CAMK1D: variants seen among roughly 807,000 people sequenced by gnomAD.
CAMK1D encodes the protein calcium/calmodulin dependent protein kinase ID.
CAMK1D carries 9 observed loss-of-function variants against 47.7 expected under a neutral mutation model. The observed-to-expected ratio is 0.19, with a 90% CI of 0.11 to 0.33. The LOEUF (loss-of-function observed/expected upper bound fraction) is 0.33. CAMK1D is among the 10% of genes least tolerant of loss of function. The pLI is 1.00. For missense variants in CAMK1D, 291 were observed against 488.7 expected (o/e 0.60, Z 3.81); for synonymous variants, 184 against 184.9 (o/e 0.99, Z 0.04).
At chr10:12,522,784 G>A (rs1443905676) in intron 1 of CAMK1D, among the ~76,000 whole-genome samples, 1 of 148,068 alleles carries the variant, frequency 6.8e-6, no homozygotes, top group African/African-American at 2.5e-5. Context: ...CCGGGCAGAG[G>A]CGCCCACCAC....
intron 1 of CAMK1D, among the ~76,000 whole-genome samples, chr10:12,547,146 T>C (rs184698363): frequency 3.2e-3 from 483 of 151,962 alleles, no homozygotes; most frequent in Non-Finnish European, 5.9e-3. Context: ...GGAGCGGAAA[T>C]GGACATAAAG....
intron 2 of CAMK1D, among the ~76,000 whole-genome samples, chr10:12,560,889 T>C (rs979488350): frequency 6.6e-6 from 1 of 151,892 alleles, no homozygotes; most frequent in Non-Finnish European, 1.5e-5. Context: ...GGAAACCATA[T>C]TGAAAGTTAC....
chr10:12,350,505 C>T (rs1008782138), intron 1 of CAMK1D, among the ~76,000 whole-genome samples: 31 of 152,328 alleles, frequency 2.0e-4, no homozygotes, highest in African/African-American at 7.5e-4. Flanking sequence ...TTCACGCGGG[C>T]TCGGCCGCAC....
chr10:12,546,908 T>C (rs1415696882), intron 1 of CAMK1D, among the ~76,000 whole-genome samples: 3 of 151,904 alleles, frequency 2.0e-5, no homozygotes, highest in Non-Finnish European at 4.4e-5. Flanking sequence ...TGTATAGATA[T>C]GTAACAAACC....
intron 1 of CAMK1D, among the ~76,000 whole-genome samples, chr10:12,480,558 G>C (rs1357942489): frequency 2.6e-5 from 4 of 152,154 alleles, no homozygotes; most frequent in African/African-American, 9.7e-5. Flanking sequence ...TGTCCGTTAG[G>C]GTCTAACCAC....
rs570452105 is a variant in CAMK1D at position 12,492,416 on chromosome 10, G to A, written c.93-60809G>A. Reference sequence around the variant, plus strand: ...ACCTGCCATCCACTCGCATGCTTTTGGGAAGCTGATGTGGGAGGATCGCTT... The same window carrying A: ...ACCTGCCATCCACTCGCATGCTTTTAGGAAGCTGATGTGGGAGGATCGCTT... On this transcript the variant is annotated intron_variant, in intron 1 of 10. Coordinates refer to ENST00000619168, the MANE Select transcript of CAMK1D (RefSeq NM_153498.4). Among the ~76,000 whole-genome samples the A allele has an allele frequency of 2.0e-5, 3 of 151,920 alleles. No homozygotes were observed. In the South Asian group the frequency reaches 6.2e-4, roughly 32 times the overall value.
At chr10:12,646,790 CTT>C (rs1422819688) in intron 2 of CAMK1D, among the ~76,000 whole-genome samples, 1 of 152,030 alleles carries the variant, frequency 6.6e-6, no homozygotes, top group Admixed American at 6.6e-5. Context: ...CCTAAAAACT[CTT>C]TATCGTTCAG....
chr10:12,764,910 A>G (rs778469471), intron 4 of CAMK1D, among the ~76,000 whole-genome samples: 2 of 152,222 alleles, frequency 1.3e-5, no homozygotes, highest in African/African-American at 2.4e-5. Context: ...AGCCTGGCGA[A>G]CATGATGAAG....
At chr10:12,413,108 C>T (rs1166156239) in intron 1 of CAMK1D, among the ~76,000 whole-genome samples, 1 of 152,142 alleles carries the variant, frequency 6.6e-6, no homozygotes, top group East Asian at 1.9e-4. Flanking sequence ...GCTTAATTGG[C>T]TCATGGTTCT....
chr10:12,577,553 A>G (rs1046066963), intron 2 of CAMK1D, among the ~76,000 whole-genome samples: 5 of 152,226 alleles, frequency 3.3e-5, no homozygotes, highest in Non-Finnish European at 7.3e-5. Context: ...TTACTATATC[A>G]TGGCTATTTC....
At chr10:12,719,095 A>G (rs779348790) in intron 3 of CAMK1D, among the ~76,000 whole-genome samples, 1 of 152,216 alleles carries the variant, frequency 6.6e-6, no homozygotes, top group South Asian at 2.1e-4. Flanking sequence ...GAAGGTTCTC[A>G]TGGGAAGTTC....
At chr10:12,562,247 C>T (rs192405632) in intron 2 of CAMK1D, among the ~76,000 whole-genome samples, 10 of 152,064 alleles carry the variant, frequency 6.6e-5, no homozygotes, top group Non-Finnish European at 1.3e-4. Flanking sequence ...GACCACCCCC[C>T]CTTAAAACAA....
chr10:12,399,323 G>A (rs772790724), intron 1 of CAMK1D, among the ~76,000 whole-genome samples: 8 of 152,166 alleles, frequency 5.3e-5, no homozygotes, highest in Non-Finnish European at 1.0e-4. Flanking sequence ...GGCCAACATG[G>A]TGAAACCCTG....
intron 1 of CAMK1D, among the ~76,000 whole-genome samples, chr10:12,517,750 A>T (rs1189678181): frequency 1.3e-5 from 2 of 151,628 alleles, no homozygotes; most frequent in Non-Finnish European, 2.9e-5. Flanking sequence ...TTTTTTTATT[A>T]TATATTGCTG....
chr10:12,551,660 C>G (rs1341708313), intron 1 of CAMK1D, among the ~76,000 whole-genome samples: 1 of 152,098 alleles, frequency 6.6e-6, no homozygotes, highest in Admixed American at 6.6e-5. Context: ...ATCGCTTGAA[C>G]CTGAGAGGCA....
chr10:12,759,116 A>G (rs928269247), intron 3 of CAMK1D, among the ~76,000 whole-genome samples: 1 of 152,186 alleles, frequency 6.6e-6, no homozygotes, highest in African/African-American at 2.4e-5. Context: ...TGGGAGGCTA[A>G]GGCGGGAGGA....
intron 2 of CAMK1D, among the ~76,000 whole-genome samples, chr10:12,594,693 G>A (rs965012013): frequency 2.6e-5 from 4 of 152,218 alleles, no homozygotes; most frequent in African/African-American, 9.7e-5. Context: ...TAGGTTACAG[G>A]CAGTTTGTCT....
intron 2 of CAMK1D, among the ~76,000 whole-genome samples, chr10:12,568,177 C>T (rs1837191217): frequency 9.2e-6 from 1 of 109,228 alleles, no homozygotes. Context: ...TCCCTCCCTC[C>T]CTCCCTCTCC....
chr10:12,781,257 C>T (rs1362432152), intron 5 of CAMK1D, among the ~76,000 whole-genome samples: 1 of 152,228 alleles, frequency 6.6e-6, no homozygotes, highest in Non-Finnish European at 1.5e-5. Context: ...TCAGATTTCA[C>T]AAGAAAGGCT....
Sources: gnomAD v4.1 joint callset for allele counts (sites outside exome capture counted in the v4.1 genomes callset) on GRCh38, gnomAD v4.1.1 for gene constraint, MANE v1.5 for transcripts, NCBI Gene and HGNC (gene_info 2026-07-23, HGNC 2026-07-21) for gene names.